HELQ: variants seen among roughly 807,000 people sequenced by gnomAD.
HELQ encodes the protein helicase, POLQ like, also known as helicase POLQ-like.
In HELQ, 77 loss-of-function variants were observed where a neutral mutation model predicts 111.6. The observed-to-expected ratio is 0.69, with a 90% CI of 0.57 to 0.83. The LOEUF is 0.83. Among genes scored for constraint, HELQ ranks in the 40% least tolerant of loss-of-function variants. HELQ has a pLI of 0.00. For missense variants in HELQ, 1,200 were observed against 1,288.5 expected (o/e 0.93, Z 1.05); for synonymous variants, 438 against 454.7 (o/e 0.96, Z 0.47).
chr4:83,432,310 C>G (rs773859353), intron 9 of HELQ, 43 bp from the exon 10 acceptor site: 4 of 1,395,064 alleles, frequency 2.9e-6, no homozygotes, highest in Non-Finnish European at 3.8e-6. Flanking sequence ...CAAACAGCAC[C>G]AATTTAAAAA....
rs1231094021 is a variant in HELQ, at chr4:83,421,746, C to T, written c.2776-10G>A. 6.2e-7 allele frequency: 1 copy of T among 1,608,146 alleles called. No homozygotes were observed. Among genetic ancestry groups the T allele is most frequent in the African/African-American group, 1.3e-5 (1 of 74,622 alleles). Reference sequence around the variant, plus strand: ...CGTTCTTGTCCACCTTCTAGAAAGACACAATCAAATAAATTCGTTTACTAG... The same window carrying T: ...CGTTCTTGTCCACCTTCTAGAAAGATACAATCAAATAAATTCGTTTACTAG... On this transcript the variant is annotated splice_polypyrimidine_tract_variant and intron_variant, in intron 14 of 17. Transcript: ENST00000295488.
intron 9 of HELQ, among the ~76,000 whole-genome samples, chr4:83,436,241 C>T (rs13115736): frequency 0.45 from 68,171 of 151,772 alleles, 15,845 homozygotes; most frequent in East Asian, 0.66. Flanking sequence ...ATAGAGAAGC[C>T]GATAACACAA....
chr4:83,429,681 C>CT lies in HELQ; in HGVS notation c.2360dup (p.Val788GlyfsTer14). On this transcript the variant is annotated frameshift_variant, in exon 12 of 18. Coordinates refer to ENST00000295488, the MANE Select transcript of HELQ (RefSeq NM_133636.5). LOFTEE classifies it high-confidence loss of function. ...AGAGACTTTTTTCTTTCAATAAAAC[C>CT]TTTTGCTGAACACCAAAAAATGTAC... 6.2e-7 allele frequency: 1 copy of CT among 1,613,438 alleles called. No homozygotes were observed. Among genetic ancestry groups the CT allele is most frequent in the East Asian group, 2.2e-5 (1 of 44,794 alleles).
At chr4:83,424,514 G>A (rs997827248) in intron 14 of HELQ, among the ~76,000 whole-genome samples, 1 of 152,166 alleles carries the variant, frequency 6.6e-6, no homozygotes, top group African/African-American at 2.4e-5. Context: ...CTTTGCCTCA[G>A]CTTCCTGAGA....
In HELQ at chr4:83,436,981, T is replaced by C. The variant is rs766033215; in HGVS notation, c.1925A>G (p.Tyr642Cys). Residue 642 changes from tyrosine to cysteine, a missense_variant, in exon 9 of 18, where the codon TAT (tyrosine) becomes TGT (cysteine). Physicochemically the swap from Tyr to Cys is radical, Grantham distance 194. Coordinates refer to ENST00000295488, the MANE Select transcript of HELQ (RefSeq NM_133636.5). ...LKRTIPFGVA[Y>C]HHSGLTSDER... ...ATCACTTGTTAAGCCACTGTGGTGA[T>C]AGGCAACTCCAAATGGGATAGTGCG... is the stretch of plus-strand genomic sequence containing the variant. The C allele has an allele frequency of 3.2e-5, 52 of 1,614,064 alleles. No homozygotes were observed. The East Asian group carries it at 4.9e-4, about 15-fold the overall frequency.
chr4:83,445,968 T>C (rs757186743), intron 5 of HELQ, 46 bp downstream of exon 5: 1 of 1,190,874 alleles, frequency 8.4e-7, no homozygotes, highest in Non-Finnish European at 1.3e-6. Flanking sequence ...TTTATAAGTC[T>C]CTTGATTATA....
chr4:83,411,833 G>A, intron 17 of HELQ, among the ~76,000 whole-genome samples: 1 of 151,756 alleles, frequency 6.6e-6, no homozygotes, highest in South Asian at 2.1e-4. Context: ...TGTAGGAACA[G>A]GGTCTTGCTA....
intron 17 of HELQ, among the ~76,000 whole-genome samples, chr4:83,415,549 G>T (rs766654335): frequency 5.3e-5 from 8 of 152,150 alleles, no homozygotes; most frequent in Middle Eastern, 3.2e-3. Flanking sequence ...GGGATGCTGA[G>T]GAAAGGATTC....
rs545561205 is a variant in HELQ at position 83,414,827 on chromosome 4, G to A, written c.3198+1904C>T. On this transcript the variant is annotated intron_variant, in intron 17 of 17. Transcript: ENST00000295488. The stretch of plus-strand genomic sequence containing the variant: ...CACTAGTAAATGCTGAAACAAGTGT[G>A]TGAAAGTTTAATGAACCTTTTTTTT... 3.9e-5 allele frequency among the ~76,000 whole-genome samples: 6 copies of A among 152,202 alleles called. No individual in the cohort carries two copies. The South Asian group carries it at 6.2e-4, about 16-fold the overall frequency.
chr4:83,451,675 A>AAAAAC (rs1553933441), intron 2 of HELQ, among the ~76,000 whole-genome samples: 4 of 151,878 alleles, frequency 2.6e-5, no homozygotes, highest in African/African-American at 9.7e-5. Flanking sequence ...AAAAAAAACA[A>AAAAAC]AAAAACAAAA....
intron 2 of HELQ, among the ~76,000 whole-genome samples, chr4:83,452,677 G>A (rs1374592976): frequency 6.6e-6 from 1 of 152,186 alleles, no homozygotes; most frequent in East Asian, 1.9e-4. Context: ...AGGAGTGGTT[G>A]TAAGGACATC....
Position 83,453,674 on chromosome 4 carries a change from T to C in HELQ, c.569A>G (p.Asp190Gly). The stretch of plus-strand genomic sequence containing the variant: ...TGAGGAAGGTACATCATACAAAAGA[T>C]CAGCTCCAGGTTCAATAGTGACACC... ...YEGVTIEPGA[D>G]LLYDVPSSQA... Residue 190 changes from aspartate (D) to glycine (G), a missense_variant, in exon 2 of 18, where the codon GAT becomes GGT. By Grantham distance (94) the Asp-to-Gly change is moderately conservative. This residue lies in a region of HELQ where 610 missense variants were observed against 607.1 expected (regional missense o/e 1.00). Coordinates refer to ENST00000295488, the MANE Select transcript of HELQ (RefSeq NM_133636.5). The C allele has an allele frequency of 6.2e-7, 1 of 1,614,162 alleles. No individual in the cohort carries two copies.
intron 1 of HELQ, among the ~76,000 whole-genome samples, chr4:83,454,580 A>C (rs1228736108): frequency 6.7e-6 from 1 of 149,744 alleles, no homozygotes; most frequent in Non-Finnish European, 1.5e-5. Context: ...CGGCTAATTA[A>C]GAAAAAAAAA....
intron 7 of HELQ, 35 bp from the exon 8 acceptor site, chr4:83,440,043 A>G (rs1166207735): frequency 2.6e-6 from 4 of 1,565,150 alleles, no homozygotes; most frequent in Non-Finnish European, 2.6e-6. Flanking sequence ...CAAAGTGGTT[A>G]GTAAACATGA....
intron 11 of HELQ, among the ~76,000 whole-genome samples, chr4:83,430,092 G>A (rs1411233482): frequency 1.3e-5 from 2 of 150,930 alleles, no homozygotes; most frequent in African/African-American, 4.9e-5. Flanking sequence ...GCCTCCTTTA[G>A]GGATCTTCCC....
intron 14 of HELQ, among the ~76,000 whole-genome samples, chr4:83,422,119 G>A (rs887141362): frequency 6.6e-6 from 1 of 151,984 alleles, no homozygotes; most frequent in Non-Finnish European, 1.5e-5. Flanking sequence ...CTGGCTACTT[G>A]GGAGGCTGAG....
intron 17 of HELQ, among the ~76,000 whole-genome samples, chr4:83,415,104 G>T (rs967090738): frequency 1.3e-5 from 2 of 152,180 alleles, no homozygotes; most frequent in African/African-American, 2.4e-5. Flanking sequence ...CTTCAAAGAA[G>T]CCAAGCAATT....
intron 17 of HELQ, among the ~76,000 whole-genome samples, chr4:83,411,012 T>C (rs1410532584): frequency 6.6e-6 from 1 of 151,074 alleles, no homozygotes; most frequent in African/African-American, 2.4e-5. Context: ...TTACATAAAT[T>C]AGCTGGGTGT....
chr4:83,424,879 G>A (rs1404148443), intron 14 of HELQ, among the ~76,000 whole-genome samples: 2 of 152,094 alleles, frequency 1.3e-5, no homozygotes, highest in Non-Finnish European at 2.9e-5. Context: ...TTATGACACA[G>A]TGATGCATGG....
Sources: gnomAD v4.1 joint callset for allele counts (sites outside exome capture counted in the v4.1 genomes callset) on GRCh38, gnomAD v4.1.1 for gene constraint, gnomAD v4.1.1 regional missense constraint, MANE v1.5 for transcripts, NCBI Gene and HGNC (gene_info 2026-07-23, HGNC 2026-07-21) for gene names.